HNF4G: variants seen among roughly 807,000 people sequenced by gnomAD.
HNF4G encodes hepatocyte nuclear factor 4 gamma.
In HNF4G, 21 loss-of-function variants were observed where a neutral mutation model predicts 50.9. The ratio of observed to expected loss-of-function variants is 0.41; its 90% CI spans 0.29 to 0.59. HNF4G has a LOEUF of 0.59. Among genes scored for constraint, HNF4G ranks in the 20% least tolerant of loss-of-function variants. The pLI is 0.26. For missense variants in HNF4G, 527 were observed against 559.4 expected (o/e 0.94, Z 0.58); for synonymous variants, 198 against 185.6 (o/e 1.07, Z -0.54).
rs79832401 is a variant in HNF4G at position 75,420,469 on chromosome 8, T to C, written c.-144+12307T>C. Among the ~76,000 whole-genome samples the C allele has an allele frequency of 3.2e-4, 49 of 152,370 alleles. No homozygotes were observed. The East Asian group carries it at 9.4e-3, about 29-fold the overall frequency. On this transcript the variant is annotated intron_variant, in intron 1 of 10. Coordinates refer to the HNF4G transcript ENST00000354370. ...GCCTCAGCCGTCTCTCTTTTACCTC[T>C]TGCAACTCTCTTTGACCCCTGAAGT...
In HNF4G at chr8:75,420,248, T is replaced by C. The variant is rs116648427; in HGVS notation, c.-144+12086T>C. ...ACTGCTGCTATGTTGTCTGAGCCAA[T>C]TGTGTACGTGGACAACTGCTGTAAG... is the stretch of plus-strand genomic sequence containing the variant. On this transcript the variant is annotated intron_variant, in intron 1 of 10. Coordinates refer to the HNF4G transcript ENST00000354370. 1.5e-3 allele frequency among the ~76,000 whole-genome samples: 226 copies of C among 152,332 alleles called. 1 individual carries two copies. Among genetic ancestry groups the C allele is most frequent in the African/African-American group, 5.1e-3 (213 of 41,570 alleles).
In HNF4G at chr8:75,555,993, G is replaced by A. The variant is rs73692606; in HGVS notation, c.657G>A (p.Leu219=). ...AATTTTTCATTAAGGTGGCACTGTT[G>A]AGAGCTCACGCAGGGGAGCACTTAC... The part of the protein sequence containing the change: ...ELPLDDQVAL[L]RAHAGEHLLL... Residue 219 remains leucine (L), a synonymous_variant, in exon 6 of 10, where the codon TTG becomes TTA. Coordinates refer to ENST00000396423, the MANE Select transcript of HNF4G (RefSeq NM_004133.5). The A allele has an allele frequency of 8.8e-4, 1,371 of 1,561,504 alleles. 23 individuals are homozygous for A. The African/African-American group carries it at 0.017, about 20-fold the overall frequency.
chr8:75,422,145 G>A (rs1188989122), intron 1 of HNF4G, among the ~76,000 whole-genome samples: 1 of 152,148 alleles, frequency 6.6e-6, no homozygotes, highest in African/African-American at 2.4e-5. Flanking sequence ...TACTTATGCT[G>A]TGAGGGGCGG....
rs1416792469 is a variant in HNF4G at position 75,529,204 on chromosome 8, T to C, written c.-23-14607T>C. On this transcript the variant is annotated intron_variant, in intron 2 of 10. Coordinates refer to the HNF4G transcript ENST00000354370. ...TACTCTGGAGGCTGAGGCAGGAGAA[T>C]GGCGTGAACCCGGCAGGCGGAGCTT... is the stretch of plus-strand genomic sequence containing the variant. Among the ~76,000 whole-genome samples, 4 of 151,814 alleles carry C rather than the reference T, an allele frequency of 2.6e-5. No individual in the cohort carries two copies. In the East Asian group the frequency reaches 5.8e-4, roughly 22 times the overall value.
At chr8:75,438,938 C>G (rs1811206385) in intron 1 of HNF4G, among the ~76,000 whole-genome samples, 1 of 151,820 alleles carries the variant, frequency 6.6e-6, no homozygotes, top group Non-Finnish European at 1.5e-5. Context: ...TTAATTATAT[C>G]TCTTGAAAGG....
At chr8:75,441,066 C>T (rs1394747269) in intron 1 of HNF4G, among the ~76,000 whole-genome samples, 2 of 151,914 alleles carry the variant, frequency 1.3e-5, no homozygotes, top group East Asian at 3.9e-4. Context: ...ATAGTGCTGG[C>T]TTATACACTT....
intron 1 of HNF4G, among the ~76,000 whole-genome samples, chr8:75,440,710 A>G (rs1210037367): frequency 6.6e-6 from 1 of 152,170 alleles, no homozygotes; most frequent in Non-Finnish European, 1.5e-5. Flanking sequence ...AAATACACAA[A>G]TTTTACAGCC....
chr8:75,458,871 ACTG>A (rs1426750946), intron 1 of HNF4G, among the ~76,000 whole-genome samples: 1 of 152,160 alleles, frequency 6.6e-6, no homozygotes, highest in African/African-American at 2.4e-5. Context: ...TTATATTTTA[ACTG>A]CTATTTAATG....
intron 6 of HNF4G, 151 bp from the exon 7 acceptor site, chr8:75,558,367 A>G: frequency 1.6e-6 from 1 of 644,074 alleles, no homozygotes; most frequent in East Asian, 2.9e-5. Context: ...TTCTAGCATA[A>G]CTAACAACAC....
At position 75,557,538 on chromosome 8, in the gene HNF4G, T is replaced by C. The variant is rs1218113902; in HGVS notation, c.734-980T>C. Among the ~76,000 whole-genome samples, 3 of 152,308 alleles carry C rather than the reference T, an allele frequency of 2.0e-5. No individual in the cohort carries two copies. In the East Asian group the frequency reaches 5.8e-4, roughly 29 times the overall value. Reference sequence around the variant, plus strand: ...CTGGAAGCTGAGACATGAGAATCACTTGAACCTGAGCAGCAGAGGTTGCAG... The same window carrying C: ...CTGGAAGCTGAGACATGAGAATCACCTGAACCTGAGCAGCAGAGGTTGCAG... On this transcript the variant is annotated intron_variant, in intron 6 of 9. Coordinates refer to ENST00000396423, the MANE Select transcript of HNF4G (RefSeq NM_004133.5).
chr8:75,531,640 C>T (rs532092799), intron 2 of HNF4G, among the ~76,000 whole-genome samples: 1 of 151,020 alleles, frequency 6.6e-6, no homozygotes, highest in South Asian at 2.1e-4. Context: ...ACAGATTTCA[C>T]CACAGACTGA....
Position 75,479,083 on chromosome 8 carries a change from C to T in HNF4G, c.-143-11006C>T, listed in dbSNP as rs571129503. On this transcript the variant is annotated intron_variant, in intron 1 of 10. Transcript: ENST00000354370. ...AAAAATATCTAGCACAGAATTGGCC[C>T]TTGTTATTTGTTAAGCACAGTATTA... 6.5e-4 allele frequency among the ~76,000 whole-genome samples: 99 copies of T among 152,250 alleles called. No homozygotes were observed. In the South Asian group the frequency reaches 0.013, roughly 19 times the overall value.
chr8:75,434,367 C>G (rs1811088755), intron 1 of HNF4G, among the ~76,000 whole-genome samples: 1 of 151,912 alleles, frequency 6.6e-6, no homozygotes. Flanking sequence ...AATGAATGAT[C>G]ATGAAAATGC....
rs1222552950 is a variant in HNF4G, at chr8:75,553,024, T to TGCTTTTCTTTC, written c.490-9_490-8insTCGCTTTTCTT. Reference sequence around the variant, plus strand: ...TCTATTATTTTAAATGATAATATAATGCTTTTCTTAATACTAGATCTCAGT... The same window carrying TGCTTTTCTTTC: ...TCTATTATTTTAAATGATAATATAATGCTTTTCTTTCGCTTTTCTTAATACTAGATCTCAGT... On this transcript the variant is annotated splice_polypyrimidine_tract_variant and intron_variant, in intron 4 of 9. Transcript: ENST00000396423. The TGCTTTTCTTTC allele has an allele frequency of 1.8e-5, 28 of 1,579,868 alleles. No individual in the cohort carries two copies. The highest frequency in any genetic ancestry group is 2.2e-5 in the Non-Finnish European group (26 of 1,158,304).
intron 5 of HNF4G, 109 bp downstream of exon 5, chr8:75,553,306 CAAAAG>C: frequency 1.2e-6 from 1 of 869,514 alleles, no homozygotes; most frequent in South Asian, 1.9e-5. Context: ...CTGTATTTGG[CAAAAG>C]ATAAATTAGG....
intron 1 of HNF4G, chr8:75,485,825 A>G (rs889587171): frequency 5.3e-5 from 8 of 152,230 alleles, no homozygotes; most frequent in African/African-American, 1.9e-4. Context: ...AAGTAAGTAC[A>G]AATGAGCAAG....
At chr8:75,557,397 A>T (rs1585956317) in intron 6 of HNF4G, among the ~76,000 whole-genome samples, 1 of 152,194 alleles carries the variant, frequency 6.6e-6, no homozygotes, top group Non-Finnish European at 1.5e-5. Flanking sequence ...AGGCAGGAGG[A>T]TCACTTAAGG....
At chr8:75,508,408 C>T (rs60756582) in intron 2 of HNF4G, among the ~76,000 whole-genome samples, 2,087 of 150,452 alleles carry the variant, frequency 0.014, 55 homozygotes, top group African/African-American at 0.048. Flanking sequence ...CCATCTTACA[C>T]CATGGTCCCA....
intron 2 of HNF4G, chr8:75,527,060 G>A (rs1173255378): frequency 6.6e-6 from 1 of 152,272 alleles, no homozygotes; most frequent in African/African-American, 2.4e-5. Flanking sequence ...ACAGGCATGA[G>A]CCACCGCACC....
Sources: allele counts gnomAD v4.1 joint callset (sites outside exome capture counted in the v4.1 genomes callset), GRCh38; gene constraint gnomAD v4.1.1; transcripts MANE v1.5; gene names NCBI Gene and HGNC (gene_info 2026-07-23, HGNC 2026-07-21).